SPIDR: variants seen among roughly 807,000 people sequenced by gnomAD.
SPIDR encodes scaffold protein involved in DNA repair, also known as DNA repair-scaffolding protein.
In SPIDR, 93 loss-of-function variants were observed where a neutral mutation model predicts 104.6. That is an observed-to-expected ratio of 0.89 (90% CI 0.75 to 1.06). SPIDR has a LOEUF of 1.06. Among genes scored for constraint, SPIDR ranks in the 50% least tolerant of loss-of-function variants. The pLI is 0.00. For missense variants in SPIDR, 1,154 were observed against 1,111.2 expected, an observed-to-expected ratio of 1.04 and a Z score of -0.55; for synonymous variants, 431 against 416.9, an observed-to-expected ratio of 1.03 and a Z score of -0.41.
intron 8 of SPIDR, among the ~76,000 whole-genome samples, chr8:47,510,094 C>T (rs1384701290): frequency 2.6e-5 from 4 of 152,186 alleles, no homozygotes; most frequent in Non-Finnish European, 4.4e-5. Flanking sequence ...ATCTGCATTT[C>T]GATTTCAGCT....
At chr8:47,624,518 G>A (rs2065701162) in intron 10 of SPIDR, among the ~76,000 whole-genome samples, 2 of 151,796 alleles carry the variant, frequency 1.3e-5, no homozygotes, top group African/African-American at 4.8e-5. Context: ...AAAGAGAGAA[G>A]AATCAAAGAG....
At chr8:47,701,597 T>G in intron 12 of SPIDR, 124 bp from the exon 13 acceptor site, 1 of 906,468 alleles carries the variant, frequency 1.1e-6, no homozygotes, top group Non-Finnish European at 1.7e-6. Context: ...TTGTATAGCA[T>G]TCCAGAGAGA....
At chr8:47,672,385 T>A (rs1431431777) in intron 10 of SPIDR, among the ~76,000 whole-genome samples, 1 of 152,262 alleles carries the variant, frequency 6.6e-6, no homozygotes, top group Non-Finnish European at 1.5e-5. Context: ...TTAGACGTGT[T>A]AGACCTTCTC....
At chr8:47,547,735 ATCT>A (rs954863492) in intron 8 of SPIDR, 5 of 166,840 alleles carry the variant, frequency 3.0e-5, no homozygotes, top group South Asian at 1.5e-4. Context: ...TGGGCCACAA[ATCT>A]TCTTTATTTC....
chr8:47,582,783 G>A (rs1588044781), intron 8 of SPIDR, among the ~76,000 whole-genome samples: 1 of 150,776 alleles, frequency 6.6e-6, no homozygotes, highest in Non-Finnish European at 1.5e-5. Context: ...GTCACTTGTT[G>A]TCTGGGCAAC....
At position 47,551,634 on chromosome 8, in the gene SPIDR, T is replaced by G. The variant is rs571456502; in HGVS notation, c.1098-44177T>G. On this transcript the variant is annotated intron_variant, in intron 8 of 19. Transcript: ENST00000297423. ...TGGTGATATCCTTTTTATTATTTTT[T>G]ATTACGTCTATCTGATTCTTCTCTC... Among the ~76,000 whole-genome samples the G allele has an allele frequency of 3.9e-5, 6 of 152,334 alleles. No homozygotes were observed. The South Asian group carries it at 1.2e-3, about 32-fold the overall frequency.
intron 5 of SPIDR, among the ~76,000 whole-genome samples, chr8:47,307,469 T>A (rs1366746649): frequency 3.3e-5 from 5 of 151,612 alleles, no homozygotes; most frequent in Non-Finnish European, 7.4e-5. Flanking sequence ...TCCACCCACC[T>A]TGGCCTCCCA....
At chr8:47,648,462 C>T (rs534387822) in intron 10 of SPIDR, among the ~76,000 whole-genome samples, 151 of 152,264 alleles carry the variant, frequency 9.9e-4, no homozygotes, top group Non-Finnish European at 1.4e-3. Flanking sequence ...AGTATAAACT[C>T]GTACTTTTCA....
At chr8:47,419,199 GCTC>G in intron 7 of SPIDR, 1 of 152,362 alleles carries the variant, frequency 6.6e-6, no homozygotes, top group East Asian at 1.9e-4. Flanking sequence ...AAAGATACCA[GCTC>G]CTCCTTGTAT....
chr8:47,647,814 G>A (rs1588792271), intron 10 of SPIDR, among the ~76,000 whole-genome samples: 1 of 152,290 alleles, frequency 6.6e-6, no homozygotes, highest in East Asian at 1.9e-4. Flanking sequence ...GAATGGAGAT[G>A]GGTGAGTAAG....
chr8:47,507,141 C>G (rs772757745), intron 8 of SPIDR, among the ~76,000 whole-genome samples: 7 of 152,240 alleles, frequency 4.6e-5, no homozygotes, highest in Admixed American at 1.3e-4. Flanking sequence ...CCATATGCCT[C>G]TTCCCAGCCA....
intron 16 of SPIDR, among the ~76,000 whole-genome samples, chr8:47,720,772 T>C (rs1377910028): frequency 6.6e-6 from 1 of 152,202 alleles, no homozygotes; most frequent in Non-Finnish European, 1.5e-5. Flanking sequence ...TTTTTTTCTT[T>C]TTTGAGATGG....
At chr8:47,684,220 A>C (rs1171883846) in intron 11 of SPIDR, among the ~76,000 whole-genome samples, 1 of 152,060 alleles carries the variant, frequency 6.6e-6, no homozygotes, top group African/African-American at 2.4e-5. Flanking sequence ...ATAAAAACAA[A>C]TTTTTTAGAA....
At chr8:47,365,225 C>G (rs1416583288) in intron 5 of SPIDR, among the ~76,000 whole-genome samples, 2 of 152,198 alleles carry the variant, frequency 1.3e-5, no homozygotes, top group African/African-American at 4.8e-5. Flanking sequence ...TCCCTGGCCA[C>G]CTTCCACATT....
chr8:47,331,743 T>C (rs2048700883), intron 5 of SPIDR, among the ~76,000 whole-genome samples: 1 of 152,084 alleles, frequency 6.6e-6, no homozygotes, highest in South Asian at 2.1e-4. Context: ...CTGTAACGTT[T>C]TTACTTCTTC....
intron 5 of SPIDR, among the ~76,000 whole-genome samples, chr8:47,395,418 T>G (rs1006728734): frequency 1.3e-5 from 2 of 152,188 alleles, no homozygotes; most frequent in African/African-American, 4.8e-5. Context: ...TATGTAGATT[T>G]GCTAATGATG....
intron 3 of SPIDR, among the ~76,000 whole-genome samples, chr8:47,288,108 A>G (rs1052166012): frequency 6.6e-5 from 10 of 152,172 alleles, no homozygotes; most frequent in African/African-American, 2.2e-4. Context: ...ACTTCCTGCA[A>G]CACTTAAGTT....
intron 5 of SPIDR, among the ~76,000 whole-genome samples, chr8:47,351,986 A>G (rs551400847): frequency 6.6e-6 from 1 of 152,284 alleles, no homozygotes; most frequent in South Asian, 2.1e-4. Flanking sequence ...ACTGTGTTAG[A>G]GGATAATTTG....
chr8:47,478,943 G>A (rs1398618604), intron 8 of SPIDR, among the ~76,000 whole-genome samples: 7 of 152,148 alleles, frequency 4.6e-5, no homozygotes, highest in African/African-American at 1.7e-4. Context: ...GCCGTTCTTA[G>A]CTTGTTGTAA....
Sources: gnomAD v4.1 joint callset for allele counts (sites outside exome capture counted in the v4.1 genomes callset) on GRCh38, gnomAD v4.1.1 for gene constraint, MANE v1.5 for transcripts, NCBI Gene and HGNC (gene_info 2026-07-23, HGNC 2026-07-21) for gene names.